Variants in WBP2NL observed in about 807,000 individuals in gnomAD.
The protein encoded by WBP2NL is WBP2 N-terminal like.
WBP2NL carries 27 observed loss-of-function variants against 23.3 expected under a neutral mutation model. The ratio of observed to expected loss-of-function variants is 1.16; its 90% confidence interval spans 0.85 to 1.60. WBP2NL has a LOEUF of 1.60. Among genes scored for constraint, WBP2NL ranks in the 40% most tolerant of loss-of-function variants. WBP2NL has a pLI of 0.00. For missense variants in WBP2NL, 370 were observed against 389.5 expected (o/e 0.95, Z 0.42); for synonymous variants, 151 against 145.9 (o/e 1.03, Z -0.25).
intron 1 of WBP2NL, among the ~76,000 whole-genome samples, chr22:42,016,561 A>T (rs1336886595): frequency 6.6e-6 from 1 of 152,226 alleles, no homozygotes; most frequent in Non-Finnish European, 1.5e-5. Flanking sequence ...TTTTAAAAAA[A>T]TTACTTAAGC....
downstream of WBP2NL, chr22:42,029,899 T>A (rs1249988350): frequency 3.9e-5 from 6 of 152,228 alleles, no homozygotes; most frequent in Non-Finnish European, 7.3e-5. Context: ...TCTTTGTATA[T>A]GGAGCTTTTT....
At chr22:42,040,746 G>T (rs1426594485) in intron 8 of WBP2NL, among the ~76,000 whole-genome samples, 3 of 152,094 alleles carry the variant, frequency 2.0e-5, no homozygotes, top group Non-Finnish European at 2.9e-5. Flanking sequence ...CCGATTTCTA[G>T]TTCTTTCCAC....
At chr22:42,001,768 C>A in intron 1 of WBP2NL, 3 of 1,191,380 alleles carry the variant, frequency 2.5e-6, no homozygotes, top group Non-Finnish European at 3.7e-6. Context: ...CAGGACAGGA[C>A]TCCGTGCTCC....
Position 42,008,259 on chromosome 22 carries a change from A to T in WBP2NL, c.62+9379A>T, listed in dbSNP as rs150290043. Among the ~76,000 whole-genome samples the T allele has an allele frequency of 7.6e-3, 1,000 of 131,124 alleles. 9 individuals are homozygous for T. Among genetic ancestry groups the T allele is most frequent in the Non-Finnish European group, 9.0e-3 (594 of 65,744 alleles). The allele number at this position is 131,124 out of a possible 152,430, so 86.0% of individuals were successfully genotyped here. ...AGTCTCACTCTGTCACTCAGGCTGT[A>T]GTGTAGCAGCAGGATCTTGGCTCAT... On this transcript the variant is annotated intron_variant, in intron 1 of 5. Coordinates refer to ENST00000328823, the MANE Select transcript of WBP2NL (RefSeq NM_152613.3).
intron 1 of WBP2NL, chr22:42,001,849 G>A: frequency 7.1e-7 from 1 of 1,399,184 alleles, no homozygotes. Context: ...TTGCTGGCAT[G>A]CTGCACCTGT....
intron 1 of WBP2NL, chr22:42,002,650 C>T (rs1041904746): frequency 2.6e-5 from 4 of 152,166 alleles, no homozygotes; most frequent in African/African-American, 9.7e-5. Flanking sequence ...TGTTTTCCCT[C>T]ATTTCACAGG....
chr22:42,056,033 T>C (rs151044857), intron 8 of WBP2NL, among the ~76,000 whole-genome samples: 387 of 152,334 alleles, frequency 2.5e-3, no homozygotes, highest in Admixed American at 4.2e-3. Flanking sequence ...TACATGTAAT[T>C]ATTGATAAGG....
At chr22:42,048,386 CAA>C (rs112746719) in intron 8 of WBP2NL, among the ~76,000 whole-genome samples, 2 of 133,320 alleles carry the variant, frequency 1.5e-5, no homozygotes. Context: ...GACTCCATCT[CAA>C]AAAAAAAAAA....
chr22:42,015,922 G>GT (rs963300015), intron 1 of WBP2NL, among the ~76,000 whole-genome samples: 2 of 151,876 alleles, frequency 1.3e-5, no homozygotes, highest in Admixed American at 6.6e-5. Context: ...CAATTTGTCT[G>GT]TTTTTTTGCC....
intron 8 of WBP2NL, among the ~76,000 whole-genome samples, chr22:42,048,387 A>C (rs1232380028): frequency 1.5e-5 from 2 of 131,020 alleles, no homozygotes; most frequent in Non-Finnish European, 3.1e-5. Flanking sequence ...ACTCCATCTC[A>C]AAAAAAAAAA....
intron 8 of WBP2NL, among the ~76,000 whole-genome samples, chr22:42,049,946 C>T (rs1044940824): frequency 1.4e-5 from 2 of 142,682 alleles, no homozygotes; most frequent in African/African-American, 2.6e-5. Context: ...CATAGCACTC[C>T]GGCCTGGGCA....
rs1569455077 is a variant in WBP2NL at position 42,049,688 on chromosome 22, TCCAAAA to T, written c.*274-8600_*274-8595del. On this transcript the variant is annotated intron_variant and NMD_transcript_variant, in intron 8 of 8. Coordinates refer to the WBP2NL transcript ENST00000436265. ...CTGGGTGACAGAGCGAGACTCCGTC[TCCAAAA>T]CAAAACAAAACAAAAAAAAAAAAAA... is the stretch of plus-strand genomic sequence containing the variant. Among the ~76,000 whole-genome samples, 72 of 72,152 alleles carry T rather than the reference TCCAAAA, an allele frequency of 1.0e-3. 4 individuals are homozygous for T. The highest frequency in any genetic ancestry group is 5.1e-3 in the African/African-American group (69 of 13,610). 47.3% of individuals were successfully genotyped at this position (72,152 alleles called of 152,430 possible).
At chr22:42,036,299 C>T (rs925892092), downstream of WBP2NL, among the ~76,000 whole-genome samples, 4 of 152,100 alleles carry the variant, frequency 2.6e-5, no homozygotes, top group Non-Finnish European at 4.4e-5. Flanking sequence ...CTCAGCCTCC[C>T]GAGCAGCTGG....
chr22:42,046,671 TTTATG>T (rs1341705640), intron 8 of WBP2NL, among the ~76,000 whole-genome samples: 2 of 152,210 alleles, frequency 1.3e-5, no homozygotes, highest in Non-Finnish European at 2.9e-5. Flanking sequence ...AAAGAGAAAT[TTTATG>T]TTATAAGAGT....
chr22:42,034,269 A>G (rs905622666), downstream of WBP2NL, among the ~76,000 whole-genome samples: 4 of 152,140 alleles, frequency 2.6e-5, no homozygotes, highest in Non-Finnish European at 5.9e-5. Context: ...GTTCTTTTCT[A>G]TTTTCCTAAG....
intron 1 of WBP2NL, 128 bp downstream of exon 1, chr22:41,999,008 C>G: frequency 8.7e-7 from 1 of 1,149,284 alleles, no homozygotes; most frequent in Middle Eastern, 2.7e-4. Flanking sequence ...CTTAGCTCCG[C>G]CCCCGACCTT....
At chr22:42,020,730 T>C (rs1276066838) in intron 4 of WBP2NL, among the ~76,000 whole-genome samples, 1 of 150,684 alleles carries the variant, frequency 6.6e-6, no homozygotes, top group Non-Finnish European at 1.5e-5. Flanking sequence ...TTTTCTCAGG[T>C]TTAGTCCCCA....
In WBP2NL at chr22:42,026,899, A is replaced by G. The variant is rs543822826; in HGVS notation, c.648A>G (p.Arg216=). 1.3e-5 allele frequency: 21 copies of G among 1,613,150 alleles called. No individual in the cohort carries two copies. In the African/African-American group the frequency reaches 2.5e-4, roughly 20 times the overall value. Residue 216 remains arginine, a synonymous_variant, in exon 6 of 6, where the codon CGA becomes CGG. Transcript: ENST00000328823. ...TGGGATACAGAGCCTCACCTGTGCG[A>G]TATGGAGCCCCACCTCTTGGATACG... is the stretch of plus-strand genomic sequence containing the variant. ...PPVGYRASPV[R]YGAPPLGYGA...
At chr22:42,017,730 G>T (rs1923444250) in intron 1 of WBP2NL, among the ~76,000 whole-genome samples, 1 of 152,102 alleles carries the variant, frequency 6.6e-6, no homozygotes, top group Non-Finnish European at 1.5e-5. Flanking sequence ...AAGGCTGGGG[G>T]ACTGGGTATG....
Sources: allele counts gnomAD v4.1 joint callset (sites outside exome capture counted in the v4.1 genomes callset), GRCh38; gene constraint gnomAD v4.1.1; transcripts MANE v1.5; gene names NCBI Gene and HGNC (gene_info 2026-07-23, HGNC 2026-07-21).